Variants in TPD52L3 observed in about 807,000 individuals in gnomAD.
TPD52L3 encodes tumor protein D55.
In TPD52L3, 12 loss-of-function variants were observed where a neutral mutation model predicts 8.7. The ratio of observed to expected loss-of-function variants is 1.38; its 90% CI spans 0.89 to 2.24. The LOEUF is 2.24. Among genes scored for constraint, TPD52L3 ranks in the 30% most tolerant of loss-of-function variants. The probability of loss-of-function intolerance (pLI) is 0.00; values close to 1 mark genes in which losing one functional copy is unlikely to be tolerated. For missense variants in TPD52L3, 207 were observed against 158.7 expected (o/e 1.30, Z -1.64); for synonymous variants, 79 against 66.8 (o/e 1.18, Z -0.89).
rs748191607 is a variant in TPD52L3 at position 6,328,782 on chromosome 9, A to C, written c.187A>C (p.Lys63Gln). The C allele has an allele frequency of 6.2e-7, 1 of 1,614,168 alleles. No individual in the cohort carries two copies. Among genetic ancestry groups the C allele is most frequent in the South Asian group, 1.1e-5 (1 of 91,086 alleles). Residue 63 changes from lysine to glutamine, a missense_variant, in exon 1 of 2, where the codon AAG becomes CAG. Transcript: ENST00000314556. ...KERRCGELKR[K>Q]LGLTALVGLR... ...GAGACGCTGTGGGGAACTCAAGAGGAAGTTAGGCCTCACCGCCTTGGTAGG... is the reference window on the plus strand; with the variant it reads ...GAGACGCTGTGGGGAACTCAAGAGGCAGTTAGGCCTCACCGCCTTGGTAGG...
chr9:6,328,592 GT>G lies in TPD52L3; in HGVS notation c.-3del, dbSNP rs1427850725. ...CTCTTAACGAAGATCTTCTTTCCCA[GT>G]CCATGCCACATGCCAGGACAGAGAC... is the stretch of plus-strand genomic sequence containing the variant. On this transcript the variant is annotated 5_prime_UTR_variant, in exon 1 of 2. Coordinates refer to ENST00000314556, the MANE Select transcript of TPD52L3 (RefSeq NM_001001874.3). 6.2e-7 allele frequency: 1 copy of G among 1,612,368 alleles called. No homozygotes were observed. The highest frequency in any genetic ancestry group is 1.3e-5 in the African/African-American group (1 of 74,870).
rs1458438710 is a variant in TPD52L3 at position 6,331,167 on chromosome 9, G to T, written c.*148G>T. ...TACTCTGTATCAAGAACTGTCCCAG[G>T]TTCTGAAAGCATAGAATTAGACATC... On this transcript the variant is annotated 3_prime_UTR_variant, in exon 2 of 2. Coordinates refer to ENST00000314556, the MANE Select transcript of TPD52L3 (RefSeq NM_001001874.3). 10 of 761,208 alleles carry T rather than the reference G, an allele frequency of 1.3e-5. No individual in the cohort carries two copies. The highest frequency in any genetic ancestry group is 4.9e-4 in the Middle Eastern group (2 of 4,088). 47.2% of individuals were successfully genotyped at this position (761,208 alleles called of 1,614,324 possible). A position where few individuals can be genotyped will look rare whatever the true frequency, so the allele number is the denominator to read the frequency against.
At chr9:6,329,309 T>C (rs1352745649) in intron 1 of TPD52L3, 7 of 1,204,742 alleles carry the variant, frequency 5.8e-6, no homozygotes, top group African/African-American at 4.6e-5. Flanking sequence ...AATCCAGTTT[T>C]GAGAAAAGAA....
chr9:6,328,504 G>A lies in TPD52L3; in HGVS notation c.-92G>A. ...GCAGGCCTAGATTTCGACTCTGCTG[G>A]CCAAGATTATTTCTCTGCAGCCCAA... On this transcript the variant is annotated 5_prime_UTR_variant, in exon 1 of 2. Coordinates refer to ENST00000314556, the MANE Select transcript of TPD52L3 (RefSeq NM_001001874.3). 3 of 1,479,594 alleles carry A rather than the reference G, an allele frequency of 2.0e-6. No homozygotes were observed. The highest frequency in any genetic ancestry group is 4.5e-5 in the East Asian group (2 of 44,138). 91.7% of individuals were successfully genotyped at this position (1,479,594 alleles called of 1,614,324 possible). A position where few individuals can be genotyped will look rare whatever the true frequency, so the allele number is the denominator to read the frequency against.
chr9:6,328,649 T>A lies in TPD52L3; in HGVS notation c.54T>A (p.Thr18=), dbSNP rs142792619. ...TSVGTYESHS[T]SELEDLTEPE... ...TGGGCACATATGAATCCCACTCGACTTCTGAACTGGAGGATCTGACAGAGC... is the reference window on the plus strand; with the variant it reads ...TGGGCACATATGAATCCCACTCGACATCTGAACTGGAGGATCTGACAGAGC... Residue 18 remains threonine, a synonymous_variant, in exon 1 of 2, where the codon ACT becomes ACA. Coordinates refer to ENST00000314556, the MANE Select transcript of TPD52L3 (RefSeq NM_001001874.3). 5 of 1,614,044 alleles carry A rather than the reference T, an allele frequency of 3.1e-6. No homozygotes were observed. The African/African-American group carries it at 5.3e-5, about 17-fold the overall frequency.
In TPD52L3 at chr9:6,328,470, T is replaced by C; in HGVS notation, c.-126T>C. On this transcript the variant is annotated 5_prime_UTR_variant, in exon 1 of 2. Coordinates refer to ENST00000314556, the MANE Select transcript of TPD52L3 (RefSeq NM_001001874.3). ...GAAATCTGACTCCACCTGCCAAGAG[T>C]CTGAGCCTGCAGGCCTAGATTTCGA... 1 of 1,185,464 alleles carries C rather than the reference T, an allele frequency of 8.4e-7. No individual in the cohort carries two copies. The highest frequency in any genetic ancestry group is 1.2e-6 in the Non-Finnish European group (1 of 844,986). 73.4% of individuals were successfully genotyped at this position (1,185,464 alleles called of 1,614,324 possible). A position where few individuals can be genotyped will look rare whatever the true frequency, so the allele number is the denominator to read the frequency against.
intron 1 of TPD52L3, chr9:6,330,447 T>G: frequency 7.5e-7 from 1 of 1,326,896 alleles, no homozygotes; most frequent in Non-Finnish European, 9.7e-7. Context: ...AATCTCTCAC[T>G]GCCTAAAATG....
At chr9:6,330,381 G>A in intron 1 of TPD52L3, 4 of 1,420,878 alleles carry the variant, frequency 2.8e-6, no homozygotes, top group East Asian at 2.6e-5. Context: ...TGAGATAGAA[G>A]TTTGCATCTT....
rs568868135 is a variant in TPD52L3, at chr9:6,331,399, A to T, written c.*380A>T. 6.2e-6 allele frequency: 1 copy of T among 162,508 alleles called. No homozygotes were observed. The highest frequency in any genetic ancestry group is 2.0e-4 in the South Asian group (1 of 4,986). The allele number at this position is 162,508 out of a possible 1,614,324, so 10.1% of individuals were successfully genotyped here. A position where few individuals can be genotyped will look rare whatever the true frequency, so the allele number is the denominator to read the frequency against. On this transcript the variant is annotated 3_prime_UTR_variant, in exon 2 of 2. Coordinates refer to ENST00000314556, the MANE Select transcript of TPD52L3 (RefSeq NM_001001874.3). Reference sequence around the variant, plus strand: ...CAGACAAGAATAGAACATTCCAGACAACATGCAGAGGAACTGAGTCACAAA... The same window carrying T: ...CAGACAAGAATAGAACATTCCAGACTACATGCAGAGGAACTGAGTCACAAA...
rs751926452 is a variant in TPD52L3 at position 6,331,000 on chromosome 9, T to A, written c.392T>A (p.Leu131Ter). ...GGATTGATCTTCAATAAATACACGT[T>A]AAATCAAGGAAGGAATTAACATCAT... The part of the protein sequence containing the change: ...FEGLIFNKYT[L>*]NQGRN Residue 131 changes from leucine (L) to a stop codon, truncating the protein, a stop_gained, in exon 2 of 2, where the codon TTA (leucine) becomes TAA (stop). Coordinates refer to ENST00000314556, the MANE Select transcript of TPD52L3 (RefSeq NM_001001874.3). LOFTEE classifies it high-confidence loss of function. 4 of 1,612,870 alleles carry A rather than the reference T, an allele frequency of 2.5e-6. No homozygotes were observed. The highest frequency in any genetic ancestry group is 1.1e-5 in the South Asian group (1 of 90,776).
chr9:6,329,985 G>A (rs1205568683), intron 1 of TPD52L3: 8 of 1,320,790 alleles, frequency 6.1e-6, no homozygotes, highest in Non-Finnish European at 7.8e-6. Flanking sequence ...CTCTCTGGCA[G>A]CAATTCCTAG....
chr9:6,329,296 C>G, intron 1 of TPD52L3: 1 of 1,232,628 alleles, frequency 8.1e-7, no homozygotes, highest in Non-Finnish European at 1.0e-6. Context: ...AGGAAATTGA[C>G]AGAATCCAGT....
rs1383601733 is a variant in TPD52L3 at position 6,328,714 on chromosome 9, A to T, written c.119A>T (p.Glu40Val). Residue 40 changes from glutamate to valine, a missense_variant, in exon 1 of 2, where the codon GAG becomes GTG. Glu to Val is a moderately radical substitution (Grantham distance 121). Transcript: ENST00000314556. ...RELKTKLTKL[E>V]AEIVTLRHVL... ...CTCAAAACCAAACTCACTAAATTGG[A>T]GGCTGAAATTGTAACCCTACGCCAC... 2 of 1,614,162 alleles carry T rather than the reference A, an allele frequency of 1.2e-6. No individual in the cohort carries two copies. Among genetic ancestry groups the T allele is most frequent in the Non-Finnish European group, 1.7e-6 (2 of 1,180,040 alleles).
chr9:6,328,768 G>C lies in TPD52L3; in HGVS notation c.173G>C (p.Gly58Ala). ...HVLAAKERRC[G>A]ELKRKLGLTA... ...CTAGCAGCCAAAGAGAGACGCTGTG[G>C]GGAACTCAAGAGGAAGTTAGGCCTC... Residue 58 changes from glycine to alanine, a missense_variant, in exon 1 of 2, where the codon GGG becomes GCG. Transcript: ENST00000314556. 1 of 1,614,158 alleles carries C rather than the reference G, an allele frequency of 6.2e-7. No homozygotes were observed. The highest frequency in any genetic ancestry group is 1.3e-5 in the African/African-American group (1 of 75,044).
Position 6,331,013 on chromosome 9 carries a change from G to T in TPD52L3, c.405G>T (p.Arg135Ser), listed in dbSNP as rs1420451129. The T allele has an allele frequency of 1.2e-6, 2 of 1,612,096 alleles. No homozygotes were observed. The highest frequency in any genetic ancestry group is 1.7e-6 in the Non-Finnish European group (2 of 1,178,986). The change falls in exon 2 of 2, where the codon AGG (arginine) becomes AGT (serine). Residue 135 changes from arginine to serine, a missense_variant. Physicochemically the swap from Arg to Ser is moderately radical, Grantham distance 110 (BLOSUM62 -1). Coordinates refer to ENST00000314556, the MANE Select transcript of TPD52L3 (RefSeq NM_001001874.3). ...ATAAATACACGTTAAATCAAGGAAG[G>T]AATTAACATCATATACTTCAGACAT... is the stretch of plus-strand genomic sequence containing the variant. ...IFNKYTLNQG[R>S]N
rs927556347 is a variant in TPD52L3 at position 6,329,711 on chromosome 9, A to T, written c.367+749A>T. The T allele has an allele frequency of 3.0e-6, 3 of 1,002,264 alleles. No individual in the cohort carries two copies. In the African/African-American group the frequency reaches 5.2e-5, roughly 17 times the overall value. The allele number at this position is 1,002,264 out of a possible 1,614,324, so 62.1% of individuals were successfully genotyped here. On this transcript the variant is annotated intron_variant, in intron 1 of 1. Transcript: ENST00000314556. ...CATCTTCTCTGAGACTCAGAAAAAGAGGGGAAAATAGTGGTAGTGCACTAA... is the reference window on the plus strand; with the variant it reads ...CATCTTCTCTGAGACTCAGAAAAAGTGGGGAAAATAGTGGTAGTGCACTAA...
At position 6,330,974 on chromosome 9, in the gene TPD52L3, A is replaced by G; in HGVS notation, c.368-2A>G. The G allele has an allele frequency of 6.2e-7, 1 of 1,612,696 alleles. No individual in the cohort carries two copies. Among genetic ancestry groups the G allele is most frequent in the Non-Finnish European group, 8.5e-7 (1 of 1,179,374 alleles). On this transcript the variant is annotated splice_acceptor_variant, in intron 1 of 1. Transcript: ENST00000314556. LOFTEE classifies it high-confidence loss of function. ...ATCATTGTTTTCCCATTTCTGGCTT[A>G]GGATTGATCTTCAATAAATACACGT... is the stretch of plus-strand genomic sequence containing the variant.
intron 1 of TPD52L3, chr9:6,329,437 G>A: frequency 9.6e-7 from 1 of 1,039,072 alleles, no homozygotes; most frequent in Non-Finnish European, 1.2e-6. Flanking sequence ...TGTATCTAAT[G>A]GGCAAGTCAG....
At chr9:6,329,102 G>C (rs976900140) in intron 1 of TPD52L3, 140 bp downstream of exon 1, 2 of 1,539,480 alleles carry the variant, frequency 1.3e-6, no homozygotes, top group African/African-American at 2.8e-5. Context: ...CCGGGGAGTG[G>C]GAATGAGCCA....
Sources: gnomAD v4.1 joint callset for allele counts on GRCh38, gnomAD v4.1.1 for gene constraint, MANE v1.5 for transcripts, NCBI Gene and HGNC (gene_info 2026-07-23, HGNC 2026-07-21) for gene names.